Variants in NAA15 observed in about 807,000 individuals in gnomAD.
The protein encoded by NAA15 is N-terminal acetyltransferase.
A neutral mutation model predicts 114.0 loss-of-function variants in NAA15; 34 were observed. That is an observed-to-expected ratio of 0.30 (90% CI 0.23 to 0.40). The LOEUF (loss-of-function observed/expected upper bound fraction) is 0.40, where lower values mean the gene tolerates loss of function less well. Among genes scored for constraint, NAA15 ranks in the 10% least tolerant of loss-of-function variants. The pLI, the probability that NAA15 is intolerant of heterozygous loss-of-function variation, is 1.00. For missense variants in NAA15, 658 were observed against 1,004.5 expected (o/e 0.66, Z 4.66); for synonymous variants, 340 against 338.0 (o/e 1.01, Z -0.06).
At chr4:139,316,586 CTG>C (rs1344354991) in intron 1 of NAA15, among the ~76,000 whole-genome samples, 3 of 151,856 alleles carry the variant, frequency 2.0e-5, no homozygotes, top group Non-Finnish European at 4.4e-5. Flanking sequence ...CATCTTTTCT[CTG>C]TAAGCGTTTT....
intron 3 of NAA15, 100 bp downstream of exon 3, chr4:139,337,052 C>G (rs1344245782): frequency 2.0e-5 from 12 of 592,224 alleles, no homozygotes; most frequent in Non-Finnish European, 3.0e-5. Context: ...TGTGCTATTA[C>G]AGAGGAAATT....
At chr4:139,356,114 A>G (rs1017941788) in intron 10 of NAA15, among the ~76,000 whole-genome samples, 3 of 152,264 alleles carry the variant, frequency 2.0e-5, no homozygotes, top group Non-Finnish European at 4.4e-5. Context: ...GGATTTAAGC[A>G]TATTTGATGT....
intron 11 of NAA15, among the ~76,000 whole-genome samples, chr4:139,358,467 A>T (rs755119003): frequency 3.3e-5 from 5 of 152,020 alleles, no homozygotes; most frequent in Non-Finnish European, 7.4e-5. Flanking sequence ...AAGTGCTCAG[A>T]TTGTAGGCAT....
intron 11 of NAA15, 92 bp from the exon 12 acceptor site, chr4:139,359,651 T>A (rs1243573969): frequency 1.9e-5 from 24 of 1,284,832 alleles, no homozygotes; most frequent in Non-Finnish European, 2.6e-5. Flanking sequence ...TTACTTTCAT[T>A]TGTTTTTAAA....
At chr4:139,385,294 A>ATATATATAATATATATTATATATAT (rs1748877862) in intron 18 of NAA15, among the ~76,000 whole-genome samples, 3 of 95,224 alleles carry the variant, frequency 3.2e-5, no homozygotes, top group African/African-American at 1.3e-4. Context: ...ATATATATAT[A>ATATATATAATATATATTATATATAT]TATATAATAT....
intron 1 of NAA15, among the ~76,000 whole-genome samples, chr4:139,330,303 T>G (rs1274633917): frequency 6.6e-6 from 1 of 152,226 alleles, no homozygotes; most frequent in Admixed American, 6.5e-5. Context: ...CAAGCTACTT[T>G]TAGGCTTTCT....
chr4:139,307,795 A>T (rs1746073958), intron 1 of NAA15, among the ~76,000 whole-genome samples: 1 of 152,154 alleles, frequency 6.6e-6, no homozygotes, highest in African/African-American at 2.4e-5. Flanking sequence ...AGTGTTAGTT[A>T]CAGTCTGGAA....
At chr4:139,308,178 G>A (rs972590950) in intron 1 of NAA15, among the ~76,000 whole-genome samples, 11 of 151,970 alleles carry the variant, frequency 7.2e-5, no homozygotes, top group African/African-American at 1.9e-4. Flanking sequence ...AGCCAGGATG[G>A]TCTCGATCTC....
intron 1 of NAA15, among the ~76,000 whole-genome samples, chr4:139,320,158 C>G (rs1746549737): frequency 1.3e-5 from 2 of 152,172 alleles, no homozygotes; most frequent in Admixed American, 6.5e-5. Context: ...TTTTATTAGA[C>G]TCTGGATCTC....
At chr4:139,363,701 G>A (rs115149620) in intron 14 of NAA15, among the ~76,000 whole-genome samples, 1,656 of 152,176 alleles carry the variant, frequency 0.011, 41 homozygotes, top group African/African-American at 0.037. Flanking sequence ...AGTGGAAATC[G>A]GTGGGTTGAA....
chr4:139,372,695 G>C (rs1272468327), intron 15 of NAA15, among the ~76,000 whole-genome samples: 1 of 151,964 alleles, frequency 6.6e-6, no homozygotes, highest in Non-Finnish European at 1.5e-5. Context: ...TGCCAAGTCT[G>C]GTTCTGCAGT....
At chr4:139,385,301 A>ATATATAT (rs1748881170) in intron 18 of NAA15, among the ~76,000 whole-genome samples, 1 of 80,896 alleles carries the variant, frequency 1.2e-5, no homozygotes, top group Admixed American at 1.0e-4. Flanking sequence ...TATATATATA[A>ATATATAT]TATATATTAT....
chr4:139,343,290 A>G (rs994899792), intron 5 of NAA15, among the ~76,000 whole-genome samples: 5 of 152,106 alleles, frequency 3.3e-5, no homozygotes, highest in Non-Finnish European at 1.5e-5. Context: ...AGTTCTCTAG[A>G]TAGTATTATA....
At chr4:139,349,406 C>T in intron 6 of NAA15, 56 bp from the exon 7 acceptor site, 1 of 1,426,952 alleles carries the variant, frequency 7.0e-7, no homozygotes, top group African/African-American at 1.5e-5. Context: ...AGTTAAAATT[C>T]TAATTGGAAG....
At chr4:139,379,050 CAT>C (rs1185791072) in intron 17 of NAA15, 196 bp downstream of exon 17, 2 of 405,292 alleles carry the variant, frequency 4.9e-6, no homozygotes, top group Non-Finnish European at 8.6e-6. Flanking sequence ...CTGATTTTGA[CAT>C]AGAATTATTC....
At chr4:139,316,910 T>G (rs1013434345) in intron 1 of NAA15, among the ~76,000 whole-genome samples, 34 of 151,430 alleles carry the variant, frequency 2.2e-4, no homozygotes, top group Non-Finnish European at 3.7e-4. Context: ...TTCCTTTTTT[T>G]CCTTTATCAT....
chr4:139,376,597 C>A, intron 16 of NAA15, 124 bp downstream of exon 16: 1 of 671,668 alleles, frequency 1.5e-6, no homozygotes, highest in South Asian at 1.7e-5. Flanking sequence ...AGCTTTCTCA[C>A]AGAAATGCCT....
chr4:139,382,563 A>T lies in NAA15; in HGVS notation c.2156-2269A>T, dbSNP rs181960101. Among the ~76,000 whole-genome samples the T allele has an allele frequency of 4.3e-4, 66 of 152,258 alleles. No individual in the cohort carries two copies. In the East Asian group the frequency reaches 0.012, roughly 27 times the overall value. On this transcript the variant is annotated intron_variant, in intron 17 of 19. Coordinates refer to ENST00000296543, the MANE Select transcript of NAA15 (RefSeq NM_057175.5). ...CAAACCAGCAAGGCCTATGTAAATA[A>T]TTTTTATTGTACAGAAGATACATTC...
intron 4 of NAA15, among the ~76,000 whole-genome samples, chr4:139,341,443 A>G (rs956229897): frequency 1.3e-5 from 2 of 151,304 alleles, no homozygotes; most frequent in Non-Finnish European, 2.9e-5. Context: ...AAAATACAAA[A>G]AATTAGCTAG....
Sources: gnomAD v4.1 joint callset for allele counts (sites outside exome capture counted in the v4.1 genomes callset) on GRCh38, gnomAD v4.1.1 for gene constraint, MANE v1.5 for transcripts, NCBI Gene and HGNC (gene_info 2026-07-23, HGNC 2026-07-21) for gene names.